MICU3: variants seen among roughly 807,000 people sequenced by gnomAD.
MICU3 encodes mitochondrial calcium uptake 3.
MICU3 carries 62 observed loss-of-function variants against 66.5 expected under a neutral mutation model. That is an observed-to-expected ratio of 0.93 (90% CI 0.76 to 1.15). The LOEUF is 1.15. Among genes scored for constraint, MICU3 ranks in the 50% most tolerant of loss-of-function variants. The probability of loss-of-function intolerance (pLI) is 0.00; values close to 1 mark genes in which losing one functional copy is unlikely to be tolerated. For missense variants in MICU3, 779 were observed against 664.4 expected (o/e 1.17, Z -1.90); for synonymous variants, 308 against 240.7 (o/e 1.28, Z -2.59).
chr8:17,137,520 T>A, the MICU3 span, among the ~76,000 whole-genome samples: 733 of 120,768 alleles, frequency 6.1e-3, 8 homozygotes, highest in African/African-American at 0.018. Context: ...CTGCTTTTTT[T>A]TAAAAAAAAA....
chr8:17,050,858 G>T (rs1426340753), intron 1 of MICU3, among the ~76,000 whole-genome samples: 6 of 151,970 alleles, frequency 3.9e-5, no homozygotes, highest in Admixed American at 3.3e-4. Flanking sequence ...TTTTCAATGG[G>T]GGGGTTTAAA....
chr8:17,035,661 A>C (rs1335408217), intron 1 of MICU3, among the ~76,000 whole-genome samples: 1 of 152,254 alleles, frequency 6.6e-6, no homozygotes, highest in Non-Finnish European at 1.5e-5. Flanking sequence ...AAAGTGTTCA[A>C]GATGTGACTT....
chr8:17,102,570 G>C (rs905075459), intron 9 of MICU3: 4 of 151,928 alleles, frequency 2.6e-5, no homozygotes, highest in Non-Finnish European at 5.9e-5. Context: ...TATTAGAGCA[G>C]GCTGCCTCTT....
chr8:17,069,741 A>C (rs17686794), intron 3 of MICU3, 22 bp downstream of exon 3: 108,789 of 1,415,276 alleles, frequency 0.077, 5,517 homozygotes, highest in East Asian at 0.26. Flanking sequence ...CTCTTGGTAG[A>C]TATACACAAA....
intron 10 of MICU3, among the ~76,000 whole-genome samples, chr8:17,104,920 G>A (rs1241704610): frequency 2.3e-5 from 1 of 42,854 alleles, no homozygotes; most frequent in Non-Finnish European, 3.8e-5. Context: ...GCGTGAACCC[G>A]GGAGGCGGAG....
chr8:17,122,840 A>G (rs1803288656), downstream of MICU3, among the ~76,000 whole-genome samples: 1 of 151,988 alleles, frequency 6.6e-6, no homozygotes, highest in African/African-American at 2.4e-5. Context: ...AGGCTTCTCA[A>G]AGTAAATTGT....
intron 1 of MICU3, among the ~76,000 whole-genome samples, chr8:17,054,860 TC>T (rs1390575421): frequency 1.3e-5 from 2 of 148,446 alleles, no homozygotes; most frequent in African/African-American, 4.9e-5. Flanking sequence ...TGCCTCAGCC[TC>T]CCAAGTAGCT....
At chr8:17,067,539 C>T (rs571068891) in intron 2 of MICU3, among the ~76,000 whole-genome samples, 6 of 152,190 alleles carry the variant, frequency 3.9e-5, no homozygotes, top group African/African-American at 1.4e-4. Flanking sequence ...AAGTGATTCT[C>T]CTGCCTCAGC....
intron 1 of MICU3, among the ~76,000 whole-genome samples, chr8:17,045,270 C>G (rs902413529): frequency 6.6e-6 from 1 of 152,174 alleles, no homozygotes; most frequent in African/African-American, 2.4e-5. Context: ...CTCTCTCTTT[C>G]TCCTGCCTGC....
chr8:17,039,442 G>T (rs1336011730), intron 1 of MICU3, among the ~76,000 whole-genome samples: 1 of 152,196 alleles, frequency 6.6e-6, no homozygotes, highest in African/African-American at 2.4e-5. Flanking sequence ...CTAAATAGCT[G>T]ATCCCCTCTC....
chr8:17,051,828 C>G (rs933831643), intron 1 of MICU3, among the ~76,000 whole-genome samples: 8 of 151,966 alleles, frequency 5.3e-5, no homozygotes, highest in South Asian at 2.1e-4. Flanking sequence ...ACAACACTCT[C>G]CAGTAGCCTT....
At chr8:17,042,052 A>T (rs1814217861) in intron 1 of MICU3, among the ~76,000 whole-genome samples, 1 of 152,218 alleles carries the variant, frequency 6.6e-6, no homozygotes, top group African/African-American at 2.4e-5. Context: ...TTTAACAATG[A>T]AAGTAATTTT....
chr8:17,077,827 C>A lies in MICU3; in HGVS notation c.612C>A (p.Gly204=). The A allele has an allele frequency of 6.2e-7, 1 of 1,611,866 alleles. No homozygotes were observed. The highest frequency in any genetic ancestry group is 8.5e-7 in the Non-Finnish European group (1 of 1,178,574). The part of the protein sequence containing the change: ...MLAETPPVWK[G]SSKLFRNLKE... ...CAGAAACACCACCAGTTTGGAAAGGCTCATCGAAGCTATTTCGAAATCTTA... is the reference window on the plus strand; with the variant it reads ...CAGAAACACCACCAGTTTGGAAAGGATCATCGAAGCTATTTCGAAATCTTA... Residue 204 remains glycine (G), a synonymous_variant, in exon 4 of 15, where the codon GGC becomes GGA. Transcript: ENST00000318063.
chr8:17,128,013 A>T, the MICU3 span, among the ~76,000 whole-genome samples: 1 of 152,178 alleles, frequency 6.6e-6, no homozygotes, highest in Admixed American at 6.5e-5. Context: ...GAGGCTCCTC[A>T]GCTAGAGCAA....
rs377022317 is a variant in MICU3 at position 17,108,567 on chromosome 8, A to G, written c.1257+2983A>G. Among the ~76,000 whole-genome samples the G allele has an allele frequency of 2.5e-4, 38 of 152,182 alleles. 1 individual carries two copies. Among genetic ancestry groups the G allele is most frequent in the African/African-American group, 8.4e-4 (35 of 41,516 alleles). ...TTTGGACTCCCTCTTTTCACATTCT[A>G]CGTACAATCAGTCTATCAAGAAATC... is the stretch of plus-strand genomic sequence containing the variant. On this transcript the variant is annotated intron_variant, in intron 11 of 14. Transcript: ENST00000318063.
intron 1 of MICU3, chr8:17,049,591 G>C (rs1481715033): frequency 3.9e-6 from 2 of 518,614 alleles, no homozygotes; most frequent in Non-Finnish European, 7.7e-6. Context: ...ACCTAACTAG[G>C]AAGGGATGAA....
intron 7 of MICU3, among the ~76,000 whole-genome samples, chr8:17,090,227 G>C (rs1260399098): frequency 6.6e-6 from 1 of 152,058 alleles, no homozygotes; most frequent in African/African-American, 2.4e-5. Context: ...TAGCATTGCG[G>C]AAGCATGTCC....
intron 1 of MICU3, among the ~76,000 whole-genome samples, chr8:17,049,311 G>C (rs189718746): frequency 2.4e-3 from 367 of 152,196 alleles, no homozygotes; most frequent in African/African-American, 8.5e-3. Context: ...GGACATATTT[G>C]GAGAATATCT....
chr8:17,051,626 A>G (rs1816095754), intron 1 of MICU3, among the ~76,000 whole-genome samples: 1 of 152,206 alleles, frequency 6.6e-6, no homozygotes, highest in African/African-American at 2.4e-5. Context: ...AAATCTTACA[A>G]ACAGAAAATA....
Sources: gnomAD v4.1 joint callset for allele counts (sites outside exome capture counted in the v4.1 genomes callset) on GRCh38, gnomAD v4.1.1 for gene constraint, MANE v1.5 for transcripts, NCBI Gene and HGNC (gene_info 2026-07-23, HGNC 2026-07-21) for gene names.